APBA2: variants seen among roughly 807,000 people sequenced by gnomAD.
APBA2 encodes the protein amyloid beta precursor protein binding family A member 2, also known as amyloid-beta A4 precursor protein-binding family A member 2.
APBA2 carries 30 observed loss-of-function variants against 75.0 expected under a neutral mutation model. That is an observed-to-expected ratio of 0.40 (90% CI 0.30 to 0.54). The LOEUF (loss-of-function observed/expected upper bound fraction) is 0.54. Among genes scored for constraint, APBA2 ranks in the 20% least tolerant of loss-of-function variants. The probability of loss-of-function intolerance (pLI) is 0.49; values close to 1 mark genes in which losing one functional copy is unlikely to be tolerated. For synonymous variants in APBA2, 444 were observed against 409.6 expected, an observed-to-expected ratio of 1.08 and a Z score of -1.01; for missense variants, 801 against 1,016.1, an observed-to-expected ratio of 0.79 and a Z score of 2.88.
chr15:29,025,942 C>T (rs568942033), intron 3 of APBA2, among the ~76,000 whole-genome samples: 11 of 135,326 alleles, frequency 8.1e-5, no homozygotes, highest in Admixed American at 6.4e-4. Flanking sequence ...CAGAGCAAGA[C>T]TCCGACTCAA....
intron 4 of APBA2, chr15:29,071,022 A>C (rs1467064605): frequency 1.3e-5 from 6 of 455,868 alleles, no homozygotes; most frequent in Non-Finnish European, 2.6e-5. Context: ...TCTATCCCTA[A>C]CCTCAGCTCC....
intron 1 of APBA2, among the ~76,000 whole-genome samples, chr15:28,915,406 C>T (rs1240396167): frequency 6.9e-6 from 1 of 145,726 alleles, no homozygotes; most frequent in East Asian, 2.1e-4. Context: ...ACCACACATT[C>T]ACCCTATACA....
At chr15:29,105,105 C>T (rs182192949) in intron 10 of APBA2, among the ~76,000 whole-genome samples, 4 of 152,324 alleles carry the variant, frequency 2.6e-5, no homozygotes, top group East Asian at 1.9e-4. Flanking sequence ...GCATCTGGGC[C>T]GTGCCACAGC....
chr15:28,923,928 T>G (rs77399539), intron 2 of APBA2, among the ~76,000 whole-genome samples: 1 of 152,350 alleles, frequency 6.6e-6, no homozygotes, highest in Non-Finnish European at 1.5e-5. Flanking sequence ...TCTGGCAAGA[T>G]TTGCAGGTGC....
chr15:28,887,887 A>G (rs36185798), intron 1 of APBA2, among the ~76,000 whole-genome samples: 67,808 of 151,674 alleles, frequency 0.45, 15,427 homozygotes, highest in Non-Finnish European at 0.47. Context: ...CCTCTTATTT[A>G]TTAGGAAGTG....
chr15:29,057,908 CCTT>C (rs1566957177), intron 4 of APBA2, among the ~76,000 whole-genome samples: 1 of 152,164 alleles, frequency 6.6e-6, no homozygotes, highest in African/African-American at 2.4e-5. Flanking sequence ...TAATTGTTTC[CCTT>C]CTTCTGTGGA....
chr15:28,919,619 T>C (rs2033863534), intron 1 of APBA2: 1 of 152,434 alleles, frequency 6.6e-6, no homozygotes, highest in Non-Finnish European at 1.5e-5. Context: ...AGGAGCTCTT[T>C]CCCTGTGTCT....
chr15:28,965,252 T>G (rs2036681066), intron 2 of APBA2, among the ~76,000 whole-genome samples: 1 of 152,204 alleles, frequency 6.6e-6, no homozygotes, highest in African/African-American at 2.4e-5. Context: ...TGGAATTACT[T>G]TTGCTCCTTG....
intron 2 of APBA2, among the ~76,000 whole-genome samples, chr15:28,931,107 A>G (rs1223954297): frequency 6.6e-6 from 1 of 152,174 alleles, no homozygotes; most frequent in Non-Finnish European, 1.5e-5. Context: ...AGCCCCCTCC[A>G]TGAGGCACAG....
At position 29,074,885 on chromosome 15, in the gene APBA2, A is replaced by G. The variant is rs367945101; in HGVS notation, c.952-36A>G. The G allele has an allele frequency of 1.2e-5, 20 of 1,603,028 alleles. No individual in the cohort carries two copies. The African/African-American group carries it at 2.1e-4, about 17-fold the overall frequency. ...GTTTTGCATCTTGCATTTCTCTAAC[A>G]TATAAAATCACGATCTTTAACTTCC... On this transcript the variant is annotated intron_variant, in intron 4 of 14. Transcript: ENST00000683413.
At chr15:28,960,603 G>T (rs1201052292) in intron 2 of APBA2, among the ~76,000 whole-genome samples, 1 of 151,994 alleles carries the variant, frequency 6.6e-6, no homozygotes, top group Non-Finnish European at 1.5e-5. Context: ...ACCCTCCTAG[G>T]TTCCCCTTTA....
chr15:28,983,659 C>CCA (rs774906339), intron 2 of APBA2, among the ~76,000 whole-genome samples: 5 of 152,150 alleles, frequency 3.3e-5, no homozygotes, highest in Admixed American at 6.5e-5. Flanking sequence ...GTAGGAGGAT[C>CCA]CACCAAGTCA....
intron 1 of APBA2, among the ~76,000 whole-genome samples, chr15:28,897,617 CAAAA>C (rs370287342): frequency 5.1e-5 from 4 of 78,748 alleles, no homozygotes; most frequent in Non-Finnish European, 9.1e-5. Context: ...GATTCCGTCT[CAAAA>C]AAAAAAAAAA....
intron 2 of APBA2, among the ~76,000 whole-genome samples, chr15:28,974,866 A>T (rs2037252633): frequency 6.6e-6 from 1 of 152,080 alleles, no homozygotes; most frequent in South Asian, 2.1e-4. Context: ...AGCCAAATAA[A>T]CTTAGAGTAG....
At chr15:28,986,124 G>A (rs1045998027) in intron 2 of APBA2, among the ~76,000 whole-genome samples, 6 of 152,162 alleles carry the variant, frequency 3.9e-5, no homozygotes, top group South Asian at 2.1e-4. Flanking sequence ...AATTCCCGGC[G>A]GCTCTCCAGC....
At chr15:29,091,333 G>T (rs1487333696) in intron 6 of APBA2, among the ~76,000 whole-genome samples, 1 of 152,128 alleles carries the variant, frequency 6.6e-6, no homozygotes, top group Non-Finnish European at 1.5e-5. Context: ...TGACCCCAGG[G>T]GCACGCAGAC....
At chr15:28,981,490 CA>C (rs2037619022) in intron 2 of APBA2, among the ~76,000 whole-genome samples, 1 of 151,836 alleles carries the variant, frequency 6.6e-6, no homozygotes, top group Non-Finnish European at 1.5e-5. Context: ...GGCTATTTTT[CA>C]AAAGCAAAAA....
intron 2 of APBA2, among the ~76,000 whole-genome samples, chr15:28,954,453 C>T (rs1044686656): frequency 2.6e-5 from 4 of 152,188 alleles, no homozygotes; most frequent in Non-Finnish European, 4.4e-5. Flanking sequence ...TCACCTTCTT[C>T]GTGTTGGTTC....
chr15:29,117,007 A>G (rs530448740), intron 14 of APBA2, 55 bp from the exon 15 acceptor site: 1 of 1,565,876 alleles, frequency 6.4e-7, no homozygotes, highest in Non-Finnish European at 8.8e-7. Flanking sequence ...CTTTCACCTG[A>G]TTGTGGGAGG....
Sources: gnomAD v4.1 joint callset for allele counts (sites outside exome capture counted in the v4.1 genomes callset) on GRCh38, gnomAD v4.1.1 for gene constraint, MANE v1.5 for transcripts, NCBI Gene and HGNC (gene_info 2026-07-23, HGNC 2026-07-21) for gene names.